POU6F2: variants seen among roughly 807,000 people sequenced by gnomAD.
The protein encoded by POU6F2 is POU class 6 homeobox 2.
In POU6F2, 31 loss-of-function variants were observed where a neutral mutation model predicts 71.3. That is an observed-to-expected ratio of 0.43 (90% confidence interval 0.33 to 0.59). The LOEUF (loss-of-function observed/expected upper bound fraction) is 0.59. POU6F2 is among the 20% of genes least tolerant of loss of function. The pLI is 0.04. For missense variants in POU6F2, 783 were observed against 856.8 expected (o/e 0.91, Z 1.07); for synonymous variants, 347 against 355.7 (o/e 0.98, Z 0.27).
Position 39,464,906 on chromosome 7 carries a change from T to C in POU6F2, c.*220T>C. 1 of 632,162 alleles carries C rather than the reference T, an allele frequency of 1.6e-6. No homozygotes were observed. Among genetic ancestry groups the C allele is most frequent in the East Asian group, 2.9e-5 (1 of 34,638 alleles). 39.2% of individuals were successfully genotyped at this position (632,162 alleles called of 1,614,324 possible). On this transcript the variant is annotated 3_prime_UTR_variant, in exon 10 of 10. Transcript: ENST00000518318. This position sits in a 1 kb window ranked among gnomAD's most constrained non-coding sequence, Gnocchi z 4.1. ...AGGAAAGAAGAAAATTTTTAGAAAA[T>C]TTTTAAACAAGGAATACACCACACT... is the stretch of plus-strand genomic sequence containing the variant.
chr7:39,288,153 T>C, intron 4 of POU6F2, among the ~76,000 whole-genome samples: 1 of 152,260 alleles, frequency 6.6e-6, no homozygotes, highest in East Asian at 1.9e-4. Flanking sequence ...TGTTTAATCT[T>C]CTTTCAATTA....
chr7:39,080,135 A>G (rs1415700239), intron 1 of POU6F2, among the ~76,000 whole-genome samples: 1 of 152,208 alleles, frequency 6.6e-6, no homozygotes, highest in Non-Finnish European at 1.5e-5. Context: ...AGAAGTTCTT[A>G]TTTTAAAAAA....
intron 2 of POU6F2, among the ~76,000 whole-genome samples, chr7:39,111,986 G>A (rs776803825): frequency 3.9e-5 from 6 of 152,014 alleles, no homozygotes; most frequent in South Asian, 2.1e-4. Context: ...AGCTAAAATC[G>A]TTCAAAATTA....
At chr7:39,151,456 G>A (rs185029343) in intron 2 of POU6F2, among the ~76,000 whole-genome samples, 19 of 152,198 alleles carry the variant, frequency 1.2e-4, no homozygotes, top group Middle Eastern at 3.4e-3. Context: ...TCCAGAAGTC[G>A]CTGGGACCAC....
intron 4 of POU6F2, among the ~76,000 whole-genome samples, chr7:39,271,996 T>G (rs1430815615): frequency 1.3e-4 from 18 of 143,852 alleles, no homozygotes; most frequent in Admixed American, 3.5e-4. Context: ...TGTGTGGGGG[T>G]GGGGGAGAGG....
intron 6 of POU6F2, among the ~76,000 whole-genome samples, chr7:39,411,306 A>G (rs1180676661): frequency 6.6e-6 from 1 of 152,226 alleles, no homozygotes; most frequent in African/African-American, 2.4e-5. Context: ...TTGTTCAGCT[A>G]TAGAATTGGC....
At chr7:39,273,041 T>A (rs1374298317) in intron 4 of POU6F2, among the ~76,000 whole-genome samples, 1 of 152,122 alleles carries the variant, frequency 6.6e-6, no homozygotes, top group African/African-American at 2.4e-5. Context: ...TTTTGCAGGA[T>A]ACTAGCCAAG....
In POU6F2 at chr7:39,406,651, A is replaced by G. The variant is rs1386006042; in HGVS notation, c.1024A>G (p.Ser342Gly). The change falls in exon 6 of 10, where the codon AGC becomes GGC. Residue 342 changes from serine (S) to glycine (G), a missense_variant. Ser to Gly is a moderately conservative substitution (Grantham distance 56). This residue lies in a region of POU6F2 where 572 missense variants were observed against 572.9 expected (regional missense o/e 1.00). Transcript: ENST00000518318. ...GGCTGCAGCGGCTGCAGCAGCCATG[A>G]GCTCCATAGCAAGCTCACAGGCCTT... is the stretch of plus-strand genomic sequence containing the variant. The part of the protein sequence containing the change: ...SQAAAAAAAM[S>G]SIASSQAFGN... 2 of 1,613,448 alleles carry G rather than the reference A, an allele frequency of 1.2e-6. No individual in the cohort carries two copies. Among genetic ancestry groups the G allele is most frequent in the African/African-American group, 2.7e-5 (2 of 74,800 alleles).
chr7:39,268,072 C>T (rs3923296), intron 4 of POU6F2, among the ~76,000 whole-genome samples: 9,521 of 152,152 alleles, frequency 0.063, 377 homozygotes, highest in South Asian at 0.17. Flanking sequence ...GAGAAGCATT[C>T]GCTTTTGATG....
At position 39,439,734 on chromosome 7, in the gene POU6F2, C is replaced by G. The variant is rs143037314; in HGVS notation, c.1320+6451C>G. Among the ~76,000 whole-genome samples, 1,288 of 152,310 alleles carry G rather than the reference C, an allele frequency of 8.5e-3. 17 individuals carry two copies. Among genetic ancestry groups the G allele is most frequent in the African/African-American group, 0.029 (1,200 of 41,554 alleles). ...CAAACCCTGACCTTAGGTGATCCAC[C>G]CACCTCAGCCTCCCAAAGTGCTGGG... On this transcript the variant is annotated intron_variant, in intron 7 of 9. Coordinates refer to ENST00000518318, the MANE Select transcript of POU6F2 (RefSeq NM_001370959.1).
At chr7:39,194,217 C>T (rs1009496219) in intron 2 of POU6F2, among the ~76,000 whole-genome samples, 6 of 152,214 alleles carry the variant, frequency 3.9e-5, no homozygotes, top group South Asian at 2.1e-4. Context: ...GGTCCATCTA[C>T]GATGAAACAG....
At chr7:39,338,333 C>T (rs1020753556) in intron 4 of POU6F2, among the ~76,000 whole-genome samples, 2 of 152,196 alleles carry the variant, frequency 1.3e-5, no homozygotes, top group African/African-American at 4.8e-5. Context: ...TCTAAAAGGT[C>T]TAATAAACGG....
chr7:38,985,407 T>A (rs931068107), intron 1 of POU6F2, among the ~76,000 whole-genome samples: 2 of 152,088 alleles, frequency 1.3e-5, no homozygotes, highest in African/African-American at 2.4e-5. Context: ...CTCTGGTCTT[T>A]GGGCCGAAAC....
At chr7:39,032,056 A>G (rs1789957035) in intron 1 of POU6F2, among the ~76,000 whole-genome samples, 1 of 152,140 alleles carries the variant, frequency 6.6e-6, no homozygotes, top group African/African-American at 2.4e-5. Context: ...TCTCCTTTGG[A>G]TGCTTAAAGG....
chr7:39,121,431 G>A (rs1792039070), intron 2 of POU6F2, among the ~76,000 whole-genome samples: 1 of 152,132 alleles, frequency 6.6e-6, no homozygotes. Flanking sequence ...AGAATCCTTT[G>A]CCAGGTGGCA....
rs1338569980 is a variant in POU6F2 at position 39,106,199 on chromosome 7, T to A, written c.277+20168T>A. On this transcript the variant is annotated intron_variant, in intron 2 of 9. Coordinates refer to ENST00000518318, the MANE Select transcript of POU6F2 (RefSeq NM_001370959.1). ...TTGCATAGACTAGCATTTTTGAAGT[T>A]TTGTCATTTACAGAAACTCCATGAG... Among the ~76,000 whole-genome samples the A allele has an allele frequency of 3.3e-5, 5 of 152,342 alleles. No homozygotes were observed. In the East Asian group the frequency reaches 7.7e-4, roughly 23 times the overall value.
chr7:39,217,802 C>G (rs1310931375), intron 4 of POU6F2, among the ~76,000 whole-genome samples: 1 of 152,064 alleles, frequency 6.6e-6, no homozygotes, highest in East Asian at 1.9e-4. Flanking sequence ...TTTAAAATAC[C>G]TGGAGAGCCT....
At chr7:39,348,052 G>T (rs1276568673) in intron 5 of POU6F2, among the ~76,000 whole-genome samples, 1 of 144,388 alleles carries the variant, frequency 6.9e-6, no homozygotes, top group Non-Finnish European at 1.6e-5. Flanking sequence ...GGGAAAATTG[G>T]TGTACAGATA....
chr7:39,277,767 A>G lies in POU6F2; in HGVS notation c.599-61875A>G, dbSNP rs144565832. 4.1e-3 allele frequency among the ~76,000 whole-genome samples: 617 copies of G among 152,130 alleles called. 2 individuals are homozygous for G. The highest frequency in any genetic ancestry group is 0.014 in the African/African-American group (587 of 41,488). Reference sequence around the variant, plus strand: ...GTTGGAGCCAAGCTGCCCTATAGAAAAAGGTCGGGGGCCAGGAGCGGTGGC... The same window carrying G: ...GTTGGAGCCAAGCTGCCCTATAGAAGAAGGTCGGGGGCCAGGAGCGGTGGC... On this transcript the variant is annotated intron_variant, in intron 4 of 9. Transcript: ENST00000518318.
Sources: gnomAD v4.1 joint callset for allele counts (sites outside exome capture counted in the v4.1 genomes callset) on GRCh38, gnomAD v4.1.1 for gene constraint, gnomAD v4.1.1 regional missense constraint, Gnocchi (gnomAD v3.1) non-coding constraint, MANE v1.5 for transcripts, NCBI Gene and HGNC (gene_info 2026-07-23, HGNC 2026-07-21) for gene names.